The following EXOC4 variants were observed in gnomAD, a reference collection of about 807,000 sequenced individuals.
EXOC4 encodes the protein exocyst complex component 4, also known as SEC8-like 1.
A neutral mutation model predicts 107.2 loss-of-function variants in EXOC4; 71 were observed. That is an observed-to-expected ratio of 0.66 (90% confidence interval 0.55 to 0.81). EXOC4 has a LOEUF of 0.81. Among genes scored for constraint, EXOC4 ranks in the 30% least tolerant of loss-of-function variants. The pLI, the probability that EXOC4 is intolerant of heterozygous loss-of-function variation, is 0.00. For synonymous variants in EXOC4, 456 were observed against 441.2 expected (o/e 1.03, Z -0.42); for missense variants, 1,108 against 1,189.6 (o/e 0.93, Z 1.01).
intron 9 of EXOC4, among the ~76,000 whole-genome samples, chr7:133,531,459 A>G (rs1435795299): frequency 2.6e-5 from 4 of 152,154 alleles, no homozygotes; most frequent in African/African-American, 7.2e-5. Context: ...TTTATATCCA[A>G]TTTTAAAATT....
intron 10 of EXOC4, among the ~76,000 whole-genome samples, chr7:133,810,869 G>A (rs931329668): frequency 1.3e-5 from 2 of 151,948 alleles, no homozygotes; most frequent in African/African-American, 2.4e-5. Flanking sequence ...TCCTGACCTC[G>A]TGATCTGCCT....
chr7:133,368,831 A>G (rs1472009803), intron 6 of EXOC4, among the ~76,000 whole-genome samples: 1 of 152,188 alleles, frequency 6.6e-6, no homozygotes, highest in Non-Finnish European at 1.5e-5. Context: ...TAGAAATTGC[A>G]ATTAATTGAA....
At chr7:134,051,068 C>G (rs1404448401) in intron 17 of EXOC4, among the ~76,000 whole-genome samples, 1 of 152,126 alleles carries the variant, frequency 6.6e-6, no homozygotes, top group Non-Finnish European at 1.5e-5. Context: ...CCAGGTGACA[C>G]TGAGATTTTG....
chr7:133,253,622 C>A, intron 1 of EXOC4: 1 of 606,508 alleles, frequency 1.6e-6, no homozygotes, highest in Non-Finnish European at 2.1e-6. Context: ...TCACGAGTTG[C>A]AGATTTGTGT....
chr7:133,669,228 A>T (rs1793890948), intron 10 of EXOC4, among the ~76,000 whole-genome samples: 1 of 151,986 alleles, frequency 6.6e-6, no homozygotes, highest in Non-Finnish European at 1.5e-5. Context: ...TCTCTGGTGG[A>T]TGCAGCCTTT....
At chr7:133,285,654 T>C (rs1156789751) in intron 2 of EXOC4, among the ~76,000 whole-genome samples, 1 of 152,206 alleles carries the variant, frequency 6.6e-6, no homozygotes, top group Non-Finnish European at 1.5e-5. Flanking sequence ...GTGTCTTGGC[T>C]TGGGTCTTTT....
chr7:133,865,688 G>A (rs1012642539), intron 11 of EXOC4, among the ~76,000 whole-genome samples: 4 of 152,138 alleles, frequency 2.6e-5, no homozygotes, highest in Admixed American at 2.6e-4. Flanking sequence ...AAGGCGAAGG[G>A]GAAGCAGGCA....
At chr7:133,473,163 G>A (rs1474411975) in intron 7 of EXOC4, among the ~76,000 whole-genome samples, 1 of 152,126 alleles carries the variant, frequency 6.6e-6, no homozygotes, top group African/African-American at 2.4e-5. Context: ...ATTAGCAGCA[G>A]TGCCAAATAT....
intron 10 of EXOC4, among the ~76,000 whole-genome samples, chr7:133,657,117 C>A (rs1285196935): frequency 6.6e-6 from 1 of 152,042 alleles, no homozygotes; most frequent in Non-Finnish European, 1.5e-5. Context: ...TTGCTAAATG[C>A]ATGGTGACAG....
At chr7:133,395,771 G>A (rs369144533) in intron 7 of EXOC4, among the ~76,000 whole-genome samples, 9 of 152,230 alleles carry the variant, frequency 5.9e-5, no homozygotes, top group African/African-American at 2.2e-4. Flanking sequence ...TGAATCACTT[G>A]GGATTTGTAC....
intron 10 of EXOC4, among the ~76,000 whole-genome samples, chr7:133,815,550 G>A (rs906673923): frequency 6.6e-6 from 1 of 152,062 alleles, no homozygotes; most frequent in Non-Finnish European, 1.5e-5. Flanking sequence ...AGTGCTTGCC[G>A]CTGTCTTATA....
At chr7:133,628,692 T>G (rs1002460902) in intron 9 of EXOC4, among the ~76,000 whole-genome samples, 2 of 152,156 alleles carry the variant, frequency 1.3e-5, no homozygotes, top group Non-Finnish European at 2.9e-5. Context: ...TGGAAACCAG[T>G]CATGGTGAAT....
chr7:133,510,218 G>A (rs370937027), intron 9 of EXOC4, among the ~76,000 whole-genome samples: 25 of 152,164 alleles, frequency 1.6e-4, no homozygotes, highest in African/African-American at 5.5e-4. Context: ...AAATAGAATC[G>A]TGATGTGGTC....
chr7:133,323,553 G>A (rs1795164797), intron 5 of EXOC4, among the ~76,000 whole-genome samples: 1 of 152,126 alleles, frequency 6.6e-6, no homozygotes, highest in Admixed American at 6.5e-5. Flanking sequence ...GCATCCCAGG[G>A]ATGAAGCCCA....
chr7:133,986,150 G>A (rs1158304598), intron 14 of EXOC4, among the ~76,000 whole-genome samples: 1 of 152,216 alleles, frequency 6.6e-6, no homozygotes, highest in East Asian at 1.9e-4. Context: ...TTTGCAATCA[G>A]AATATCAATG....
chr7:133,994,303 T>C (rs1404527714), intron 14 of EXOC4, among the ~76,000 whole-genome samples: 1 of 152,184 alleles, frequency 6.6e-6, no homozygotes, highest in Non-Finnish European at 1.5e-5. Context: ...CTCATTCTTT[T>C]TTATGGCTGC....
At chr7:133,392,372 A>G (rs1472754554) in intron 7 of EXOC4, among the ~76,000 whole-genome samples, 1 of 152,094 alleles carries the variant, frequency 6.6e-6, no homozygotes. Context: ...ACCTGGTACC[A>G]TCCCTCCTGG....
At chr7:133,907,358 G>C (rs931094613) in intron 12 of EXOC4, among the ~76,000 whole-genome samples, 2 of 141,870 alleles carry the variant, frequency 1.4e-5, no homozygotes, top group African/African-American at 5.6e-5. Flanking sequence ...TTAGTTATTG[G>C]TTTAACTGTC....
At chr7:133,380,235 TAATAAAAATAA>T (rs947496094) in intron 7 of EXOC4, among the ~76,000 whole-genome samples, 3 of 115,820 alleles carry the variant, frequency 2.6e-5, no homozygotes, top group African/African-American at 9.4e-5. Context: ...ACTTAAAGTA[TAATAAAAATAA>T]AATAAAATAA....
Sources: allele counts gnomAD v4.1 joint callset (sites outside exome capture counted in the v4.1 genomes callset), GRCh38; gene constraint gnomAD v4.1.1; transcripts MANE v1.5; gene names NCBI Gene and HGNC (gene_info 2026-07-23, HGNC 2026-07-21).